The following GPC5 variants were observed in gnomAD, a reference collection of about 807,000 sequenced individuals.
GPC5 encodes glypican-5.
In GPC5, 47 loss-of-function variants were observed where a neutral mutation model predicts 53.9. The ratio of observed to expected loss-of-function variants is 0.87; its 90% CI spans 0.69 to 1.11. The LOEUF is 1.11. Ranked by LOEUF, GPC5 falls within the 50% of genes most tolerant of loss-of-function variation. The pLI is 0.00. For synonymous variants in GPC5, 286 were observed against 263.3 expected (o/e 1.09, Z -0.84); for missense variants, 748 against 713.1 (o/e 1.05, Z -0.56).
At chr13:92,782,269 C>T (rs922237613) in intron 7 of GPC5, among the ~76,000 whole-genome samples, 2 of 152,278 alleles carry the variant, frequency 1.3e-5, no homozygotes, top group South Asian at 4.2e-4. Flanking sequence ...AAATCTCCTT[C>T]TTGTGTCCTG....
At chr13:91,444,149 A>G (rs1409526073) in intron 1 of GPC5, among the ~76,000 whole-genome samples, 2 of 151,942 alleles carry the variant, frequency 1.3e-5, no homozygotes, top group African/African-American at 4.8e-5. Flanking sequence ...CTCTTAAGGC[A>G]TTACGTTTGT....
At chr13:91,945,953 T>G (rs1269510759) in intron 6 of GPC5, among the ~76,000 whole-genome samples, 1 of 152,188 alleles carries the variant, frequency 6.6e-6, no homozygotes, top group Non-Finnish European at 1.5e-5. Flanking sequence ...TAGAGTATTC[T>G]TTCTCCATCT....
intron 6 of GPC5, among the ~76,000 whole-genome samples, chr13:91,920,353 G>A (rs1007714227): frequency 1.3e-5 from 2 of 151,926 alleles, no homozygotes; most frequent in African/African-American, 4.8e-5. Context: ...TTAAACAATC[G>A]CAACACACAA....
intron 6 of GPC5, among the ~76,000 whole-genome samples, chr13:92,143,796 A>G (rs1594780621): frequency 6.6e-6 from 1 of 152,144 alleles, no homozygotes; most frequent in East Asian, 1.9e-4. Flanking sequence ...GTTCTTCAGT[A>G]TAAAATGCTG....
At chr13:91,658,007 A>G (rs977507459) in intron 2 of GPC5, among the ~76,000 whole-genome samples, 1 of 152,192 alleles carries the variant, frequency 6.6e-6, no homozygotes, top group Non-Finnish European at 1.5e-5. Flanking sequence ...TTATGTTTTT[A>G]TGTTTTAGAA....
intron 2 of GPC5, among the ~76,000 whole-genome samples, chr13:91,658,207 A>G (rs891653508): frequency 2.0e-5 from 3 of 152,350 alleles, no homozygotes; most frequent in South Asian, 2.1e-4. Flanking sequence ...TCACAAGTTT[A>G]TAGCACCTCA....
intron 6 of GPC5, among the ~76,000 whole-genome samples, chr13:91,935,753 T>C (rs2039864386): frequency 6.6e-6 from 1 of 151,994 alleles, no homozygotes; most frequent in African/African-American, 2.4e-5. Flanking sequence ...ATGTTAAATT[T>C]GAAATGTTTT....
Position 92,866,458 on chromosome 13 carries a change from A to G in GPC5, c.*19A>G. On this transcript the variant is annotated 3_prime_UTR_variant, in exon 8 of 8. Transcript: ENST00000377067. ...TTGGTAACTGAACTCTTCTGTCCTG[A>G]CATACCTTACTGAAGTCTCGATTTC... 6.4e-7 allele frequency: 1 copy of G among 1,559,630 alleles called. No individual in the cohort carries two copies. The highest frequency in any genetic ancestry group is 8.7e-7 in the Non-Finnish European group (1 of 1,146,690).
At chr13:92,357,829 C>G (rs35520935) in intron 7 of GPC5, among the ~76,000 whole-genome samples, 1 of 151,120 alleles carries the variant, frequency 6.6e-6, no homozygotes, top group Non-Finnish European at 1.5e-5. Flanking sequence ...CACATCCCTG[C>G]AGGCCCCTCC....
chr13:92,472,354 C>T (rs1279357882), intron 7 of GPC5, among the ~76,000 whole-genome samples: 1 of 152,106 alleles, frequency 6.6e-6, no homozygotes, highest in Non-Finnish European at 1.5e-5. Context: ...CAATGCTACT[C>T]CTGGTCTGCT....
intron 7 of GPC5, among the ~76,000 whole-genome samples, chr13:92,353,655 A>G (rs1359425536): frequency 6.6e-6 from 1 of 152,200 alleles, no homozygotes; most frequent in Non-Finnish European, 1.5e-5. Context: ...CAGACTATAT[A>G]TAAACAAATA....
chr13:91,865,619 C>T (rs1313376220), intron 5 of GPC5, among the ~76,000 whole-genome samples: 1 of 152,148 alleles, frequency 6.6e-6, no homozygotes, highest in Non-Finnish European at 1.5e-5. Flanking sequence ...TCTGAATTTT[C>T]TGGCACTTCA....
intron 7 of GPC5, among the ~76,000 whole-genome samples, chr13:92,179,850 A>G (rs2042133984): frequency 6.6e-6 from 1 of 152,200 alleles, no homozygotes; most frequent in African/African-American, 2.4e-5. Flanking sequence ...AACATTTGAC[A>G]TCATAAAAGG....
intron 7 of GPC5, among the ~76,000 whole-genome samples, chr13:92,805,089 T>C (rs1287414164): frequency 6.6e-6 from 1 of 152,070 alleles, no homozygotes; most frequent in Non-Finnish European, 1.5e-5. Context: ...AAGTCATCCA[T>C]GAAGGTTGGA....
chr13:92,622,158 A>G (rs1443923501), intron 7 of GPC5, among the ~76,000 whole-genome samples: 1 of 152,146 alleles, frequency 6.6e-6, no homozygotes, highest in Non-Finnish European at 1.5e-5. Context: ...AGTATGGAGG[A>G]AATAGTAGCT....
chr13:92,414,702 C>T lies in GPC5; in HGVS notation c.1561+269713C>T, dbSNP rs149245159. ...TACCTTAGACTGAGCAACTTATAAACGACAAAAATTTATCTCTTACAATTC... is the reference window on the plus strand; with the variant it reads ...TACCTTAGACTGAGCAACTTATAAATGACAAAAATTTATCTCTTACAATTC... On this transcript the variant is annotated intron_variant, in intron 7 of 7. Coordinates refer to ENST00000377067, the MANE Select transcript of GPC5 (RefSeq NM_004466.6). Among the ~76,000 whole-genome samples, 51 of 152,152 alleles carry T rather than the reference C, an allele frequency of 3.4e-4. 1 individual carries two copies. Among genetic ancestry groups the T allele is most frequent in the East Asian group, 1.5e-3 (8 of 5,174 alleles).
intron 2 of GPC5, among the ~76,000 whole-genome samples, chr13:91,653,949 T>C (rs1218276734): frequency 6.6e-6 from 1 of 152,174 alleles, no homozygotes; most frequent in Non-Finnish European, 1.5e-5. Context: ...AATTTTCTCG[T>C]GTCCCTTTGT....
chr13:92,426,591 A>C (rs1342110785), intron 7 of GPC5, among the ~76,000 whole-genome samples: 1 of 152,120 alleles, frequency 6.6e-6, no homozygotes, highest in Non-Finnish European at 1.5e-5. Context: ...CAAAGTGTTC[A>C]TTGGAAGAAA....
At chr13:92,744,457 G>A (rs1221270983) in intron 7 of GPC5, among the ~76,000 whole-genome samples, 1 of 151,530 alleles carries the variant, frequency 6.6e-6, no homozygotes, top group Non-Finnish European at 1.5e-5. Context: ...AAATAGTTAT[G>A]TAGGTCTTAG....
Sources: allele counts gnomAD v4.1 joint callset (sites outside exome capture counted in the v4.1 genomes callset), GRCh38; gene constraint gnomAD v4.1.1; transcripts MANE v1.5; gene names NCBI Gene and HGNC (gene_info 2026-07-23, HGNC 2026-07-21).